HSD17B2: variants seen among roughly 807,000 people sequenced by gnomAD.
HSD17B2 encodes the protein hydroxysteroid 17-beta dehydrogenase 2.
Under a neutral mutation model 26.9 loss-of-function variants are expected in HSD17B2, and 32 were observed. That is an observed-to-expected ratio of 1.19 (90% CI 0.90 to 1.60). The LOEUF (loss-of-function observed/expected upper bound fraction) is 1.60. Among genes scored for constraint, HSD17B2 ranks in the 40% most tolerant of loss-of-function variants. The pLI, the probability that HSD17B2 is intolerant of heterozygous loss-of-function variation, is 0.00. For synonymous variants in HSD17B2, 246 were observed against 186.7 expected (o/e 1.32, Z -2.59); for missense variants, 613 against 468.6 (o/e 1.31, Z -2.85).
intron 3 of HSD17B2, among the ~76,000 whole-genome samples, chr16:82,085,054 T>C (rs978449019): frequency 2.6e-5 from 4 of 152,220 alleles, no homozygotes; most frequent in African/African-American, 7.2e-5. Context: ...AGAATTACTT[T>C]ATACCAAAGC....
chr16:82,049,445 T>C (rs1337951193), intron 1 of HSD17B2, among the ~76,000 whole-genome samples: 1 of 152,226 alleles, frequency 6.6e-6, no homozygotes, highest in Non-Finnish European at 1.5e-5. Flanking sequence ...GCAAGTCACA[T>C]GATGGGTGCC....
At chr16:82,058,233 G>A (rs1022708049) in intron 1 of HSD17B2, among the ~76,000 whole-genome samples, 3 of 152,182 alleles carry the variant, frequency 2.0e-5, no homozygotes, top group Non-Finnish European at 2.9e-5. Context: ...AGCACACCTG[G>A]CTAATTTTTA....
rs1338760006 is a variant in HSD17B2, at chr16:82,035,553, C to G, written c.129C>G (p.Gly43=). Residue 43 remains glycine, a synonymous_variant, in exon 1 of 5, where the codon GGC becomes GGG. Transcript: ENST00000199936. Reference sequence around the variant, plus strand: ...GGAGCTGGATGGTCTGCCTGGCAGGCCTCTGTGCAGTCTGCCTGCTCATCC... The same window carrying G: ...GGAGCTGGATGGTCTGCCTGGCAGGGCTCTGTGCAGTCTGCCTGCTCATCC... ...QLWSWMVCLA[G]LCAVCLLILS... 2.5e-6 allele frequency: 4 copies of G among 1,614,084 alleles called. No individual in the cohort carries two copies. The Admixed American group carries it at 6.7e-5, about 27-fold the overall frequency.
intron 1 of HSD17B2, among the ~76,000 whole-genome samples, chr16:82,061,994 C>T (rs1338589371): frequency 2.0e-5 from 3 of 152,318 alleles, no homozygotes; most frequent in African/African-American, 4.8e-5. Flanking sequence ...CTCCCAAACA[C>T]GCGTTATTCA....
chr16:82,085,527 T>C (rs1202663249), intron 3 of HSD17B2, among the ~76,000 whole-genome samples: 9 of 152,134 alleles, frequency 5.9e-5, no homozygotes, highest in Admixed American at 2.6e-4. Context: ...CTATGTGCTT[T>C]CTACTTTTCC....
intron 1 of HSD17B2, among the ~76,000 whole-genome samples, chr16:82,041,795 C>T (rs1597118561): frequency 6.6e-6 from 1 of 152,278 alleles, no homozygotes; most frequent in East Asian, 1.9e-4. Flanking sequence ...CATTCTCTAC[C>T]CAGCAGCAAA....
At chr16:82,061,737 T>C (rs1243573230) in intron 1 of HSD17B2, among the ~76,000 whole-genome samples, 1 of 152,244 alleles carries the variant, frequency 6.6e-6, no homozygotes, top group Non-Finnish European at 1.5e-5. Flanking sequence ...TTATGCAATA[T>C]GGTGAGATTA....
intron 3 of HSD17B2, among the ~76,000 whole-genome samples, chr16:82,077,324 G>C (rs1904307710): frequency 6.6e-6 from 1 of 152,148 alleles, no homozygotes; most frequent in South Asian, 2.1e-4. Flanking sequence ...CAGACATATA[G>C]ACCAACAGAA....
chr16:82,069,561 C>A (rs982333451), intron 2 of HSD17B2, among the ~76,000 whole-genome samples: 1 of 152,208 alleles, frequency 6.6e-6, no homozygotes, highest in African/African-American at 2.4e-5. Context: ...TTTCTTTCCA[C>A]TTCTCCTGGA....
intron 3 of HSD17B2, chr16:82,072,075 G>C (rs1467717512): frequency 6.6e-6 from 1 of 152,110 alleles, no homozygotes; most frequent in Non-Finnish European, 1.5e-5. Context: ...GGGGTTCTTC[G>C]CATTTCCTAG....
chr16:82,090,806 C>G, intron 3 of HSD17B2, 96 bp from the exon 4 acceptor site: 1 of 1,191,486 alleles, frequency 8.4e-7, no homozygotes, highest in Non-Finnish European at 1.2e-6. Context: ...GTCACTGATA[C>G]CAGTTCCTAC....
At chr16:82,071,331 T>A (rs1914694445) in intron 3 of HSD17B2, 1 of 628,240 alleles carries the variant, frequency 1.6e-6, no homozygotes, top group Non-Finnish European at 2.9e-6. Flanking sequence ...CTTATCTGCC[T>A]TCTAACTCAT....
At chr16:82,054,705 A>C (rs149970914) in intron 1 of HSD17B2, among the ~76,000 whole-genome samples, 2 of 152,262 alleles carry the variant, frequency 1.3e-5, no homozygotes, top group East Asian at 3.9e-4. Flanking sequence ...CAACCTCCAG[A>C]AATGTTGCTT....
chr16:82,091,452 G>T (rs992596346), intron 4 of HSD17B2: 4 of 222,206 alleles, frequency 1.8e-5, no homozygotes, highest in African/African-American at 9.3e-5. Context: ...AGTTCCAAAG[G>T]AATGGCTCTC....
intron 3 of HSD17B2, among the ~76,000 whole-genome samples, chr16:82,074,469 G>A (rs1247136346): frequency 6.6e-6 from 1 of 152,198 alleles, no homozygotes; most frequent in Non-Finnish European, 1.5e-5. Flanking sequence ...GGGAGTTTGT[G>A]TAAAGACAGA....
intron 3 of HSD17B2, among the ~76,000 whole-genome samples, chr16:82,075,341 T>A (rs1287456016): frequency 6.6e-6 from 1 of 151,036 alleles, no homozygotes; most frequent in African/African-American, 2.4e-5. Flanking sequence ...AGAAAAGAAA[T>A]CATAAATATT....
chr16:82,097,686 C>T (rs1369306173), intron 4 of HSD17B2: 1 of 155,552 alleles, frequency 6.4e-6, no homozygotes, highest in African/African-American at 2.4e-5. Flanking sequence ...CGCCTGAAAT[C>T]TCAGCACTTT....
chr16:82,080,143 C>T (rs1215367834), intron 3 of HSD17B2, among the ~76,000 whole-genome samples: 1 of 152,198 alleles, frequency 6.6e-6, no homozygotes, highest in South Asian at 2.1e-4. Flanking sequence ...TTATTCATTG[C>T]TGCAGAGTAA....
At chr16:82,068,140 C>G in intron 1 of HSD17B2, 30 bp from the exon 2 acceptor site, 1 of 1,592,528 alleles carries the variant, frequency 6.3e-7, no homozygotes, top group African/African-American at 1.3e-5. Flanking sequence ...CTGGTTTGAC[C>G]TCACTCCCTA....
Sources: gnomAD v4.1 joint callset for allele counts (sites outside exome capture counted in the v4.1 genomes callset) on GRCh38, gnomAD v4.1.1 for gene constraint, MANE v1.5 for transcripts, NCBI Gene and HGNC (gene_info 2026-07-23, HGNC 2026-07-21) for gene names.